Variants in PKP1 observed in about 807,000 individuals in gnomAD.
PKP1 encodes plakophilin-1.
In PKP1, 27 loss-of-function variants were observed where a neutral mutation model predicts 76.4. The observed-to-expected ratio is 0.35, with a 90% CI of 0.26 to 0.49. The LOEUF is 0.49. PKP1 is among the 20% of genes least tolerant of loss of function. The pLI is 0.99. For synonymous variants in PKP1, 404 were observed against 384.2 expected (o/e 1.05, Z -0.60); for missense variants, 964 against 955.2 (o/e 1.01, Z -0.12).
At chr1:201,302,425 A>T (rs1656257569) in intron 2 of PKP1, among the ~76,000 whole-genome samples, 1 of 152,214 alleles carries the variant, frequency 6.6e-6, no homozygotes, top group Non-Finnish European at 1.5e-5. Context: ...CGAAGCCAGC[A>T]AGCAGGGCAT....
chr1:201,326,395 C>T (rs1023706554), intron 12 of PKP1, among the ~76,000 whole-genome samples: 2 of 152,242 alleles, frequency 1.3e-5, no homozygotes, highest in Non-Finnish European at 2.9e-5. Context: ...TCTCTGTCCT[C>T]CACCCCTCCC....
chr1:201,329,738 G>A (rs1361902), intron 13 of PKP1, among the ~76,000 whole-genome samples: 73,007 of 152,130 alleles, frequency 0.48, 21,309 homozygotes, highest in East Asian at 0.69. Flanking sequence ...GGTTAAATAA[G>A]ACTTCAGATA....
At chr1:201,325,311 G>T (rs947990166) in intron 11 of PKP1, among the ~76,000 whole-genome samples, 184 bp downstream of exon 11, 4 of 152,182 alleles carry the variant, frequency 2.6e-5, no homozygotes, top group African/African-American at 9.7e-5. Flanking sequence ...GGAGAGAAGG[G>T]TCCAGCATCC....
chr1:201,317,554 G>A lies in PKP1; in HGVS notation c.847-18G>A. 2 of 1,606,408 alleles carry A rather than the reference G, an allele frequency of 1.2e-6. No individual in the cohort carries two copies. The highest frequency in any genetic ancestry group is 1.7e-6 in the Non-Finnish European group (2 of 1,173,148). On this transcript the variant is annotated intron_variant, in intron 4 of 13. Transcript: ENST00000367324. The stretch of plus-strand genomic sequence containing the variant: ...TCATCTCCCTTGACCAGGCAGCGTG[G>A]CAACTCTTTCCTGGCAGGTCTATCA...
rs1018410704 is a variant in PKP1, at chr1:201,286,475, C to T, written c.202+2571C>T. On this transcript the variant is annotated intron_variant, in intron 1 of 13. Transcript: ENST00000367324. ...GCTTCTCAGTTCCTCTCCACTAGTG[C>T]TCTTTTCTCTCTTGTCACTGAGGGA... 5.3e-5 allele frequency among the ~76,000 whole-genome samples: 8 copies of T among 152,300 alleles called. No homozygotes were observed. The South Asian group carries it at 1.0e-3, about 20-fold the overall frequency.
chr1:201,316,422 G>C, intron 3 of PKP1, 131 bp from the exon 4 acceptor site: 2 of 907,094 alleles, frequency 2.2e-6, no homozygotes, highest in South Asian at 1.7e-5. Context: ...AGTGGGCCTG[G>C]GCTGCCTTGT....
At position 201,313,668 on chromosome 1, in the gene PKP1, G is replaced by C. The variant is rs553852524; in HGVS notation, c.701+108G>C. The C allele has an allele frequency of 2.1e-5, 25 of 1,197,394 alleles. No homozygotes were observed. The African/African-American group carries it at 3.2e-4, about 15-fold the overall frequency. The allele number at this position is 1,197,394 out of a possible 1,614,324, so 74.2% of individuals were successfully genotyped here. A position where few individuals can be genotyped will look rare whatever the true frequency, so the allele number is the denominator to read the frequency against. On this transcript the variant is annotated intron_variant, in intron 3 of 13. Transcript: ENST00000367324. Reference sequence around the variant, plus strand: ...CTCCTGGGATGACAGGAGAGACATAGCTTCTGTCCCTGGGGAGTTCATTGC... The same window carrying C: ...CTCCTGGGATGACAGGAGAGACATACCTTCTGTCCCTGGGGAGTTCATTGC...
At chr1:201,303,746 A>G (rs574149951) in intron 2 of PKP1, among the ~76,000 whole-genome samples, 1 of 152,274 alleles carries the variant, frequency 6.6e-6, no homozygotes, top group African/African-American at 2.4e-5. Flanking sequence ...ATGAGTTTCA[A>G]TGTTAGATAT....
chr1:201,289,288 AAGAGATTTC>A (rs770086704), intron 1 of PKP1, among the ~76,000 whole-genome samples: 30 of 152,234 alleles, frequency 2.0e-4, no homozygotes, highest in Non-Finnish European at 2.6e-4. Flanking sequence ...CCATGGGTGA[AAGAGATTTC>A]AGAGGGTGAA....
At position 201,331,119 on chromosome 1, in the gene PKP1, C is replaced by A. The variant is rs1055055086; in HGVS notation, c.*1078C>A. On this transcript the variant is annotated 3_prime_UTR_variant, in exon 14 of 14. Coordinates refer to ENST00000367324, the MANE Select transcript of PKP1 (RefSeq NM_001005337.3). The stretch of plus-strand genomic sequence containing the variant: ...ATGGAGTTGGGGTATAGAAATTAAC[C>A]AGGAAGATGTTTCCACCAAGCCTGC... 12 of 152,186 alleles carry A rather than the reference C, an allele frequency of 7.9e-5. No homozygotes were observed. Among genetic ancestry groups the A allele is most frequent in the African/African-American group, 2.7e-4 (11 of 41,420 alleles). 9.4% of individuals were successfully genotyped at this position (152,186 alleles called of 1,614,324 possible).
At chr1:201,285,292 C>G (rs1287079079) in intron 1 of PKP1, among the ~76,000 whole-genome samples, 1 of 151,682 alleles carries the variant, frequency 6.6e-6, no homozygotes, top group Non-Finnish European at 1.5e-5. Flanking sequence ...CCTGTGGCTT[C>G]TGTCCCCCCA....
At chr1:201,316,452 G>A in intron 3 of PKP1, 101 bp from the exon 4 acceptor site, 1 of 1,294,970 alleles carries the variant, frequency 7.7e-7, no homozygotes, top group Non-Finnish European at 1.1e-6. Context: ...CCAGAGGGCA[G>A]ATGAGGCTGT....
intron 13 of PKP1, among the ~76,000 whole-genome samples, chr1:201,329,426 G>A (rs1193857955): frequency 6.6e-6 from 1 of 152,226 alleles, no homozygotes; most frequent in Non-Finnish European, 1.5e-5. Flanking sequence ...ACTTGGCCCA[G>A]CCCCAGCTAT....
chr1:201,309,663 G>A (rs1656476357), intron 2 of PKP1, among the ~76,000 whole-genome samples: 1 of 152,202 alleles, frequency 6.6e-6, no homozygotes, highest in Admixed American at 6.5e-5. Context: ...CATTGGCGGT[G>A]AAGCTCTCCC....
intron 5 of PKP1, 138 bp downstream of exon 5, chr1:201,317,917 C>T (rs1482787240): frequency 4.7e-6 from 4 of 853,150 alleles, no homozygotes; most frequent in Admixed American, 4.0e-5. Context: ...GGCTAATATC[C>T]TGAGAGTTTA....
chr1:201,319,974 A>C (rs895858140), intron 6 of PKP1: 5 of 1,318,402 alleles, frequency 3.8e-6, no homozygotes, highest in Non-Finnish European at 5.5e-6. Flanking sequence ...AGAAGAACTG[A>C]GTGCAAATGA....
chr1:201,290,346 C>T (rs981105518), intron 1 of PKP1, among the ~76,000 whole-genome samples: 9 of 152,028 alleles, frequency 5.9e-5, no homozygotes, highest in African/African-American at 2.2e-4. Context: ...ACAGGTTGGG[C>T]ACACTGTCAG....
chr1:201,285,717 G>A (rs576011711), intron 1 of PKP1, among the ~76,000 whole-genome samples: 1 of 152,328 alleles, frequency 6.6e-6, no homozygotes, highest in African/African-American at 2.4e-5. Flanking sequence ...GTGCCCCAAG[G>A]ACCCCTTTTT....
intron 6 of PKP1, chr1:201,319,688 C>T (rs940951030): frequency 2.2e-6 from 2 of 907,910 alleles, no homozygotes; most frequent in Admixed American, 3.7e-5. Context: ...GCCCACATTG[C>T]TTGGGAGTGA....
Sources: allele counts gnomAD v4.1 joint callset (sites outside exome capture counted in the v4.1 genomes callset), GRCh38; gene constraint gnomAD v4.1.1; transcripts MANE v1.5; gene names NCBI Gene and HGNC (gene_info 2026-07-23, HGNC 2026-07-21).